GAB2: variants seen among roughly 807,000 people sequenced by gnomAD.
The protein encoded by GAB2 is GRB2-associated-binding protein 2.
Under a neutral mutation model 65.5 loss-of-function variants are expected in GAB2, and 26 were observed. The ratio of observed to expected loss-of-function variants is 0.40; its 90% CI spans 0.29 to 0.55. The LOEUF is 0.55. Ranked by LOEUF, GAB2 falls within the 20% of genes least tolerant of loss-of-function variation. GAB2 has a pLI of 0.53. For missense variants in GAB2, 884 were observed against 875.8 expected (o/e 1.01, Z -0.12); for synonymous variants, 321 against 329.6 (o/e 0.97, Z 0.28).
chr11:78,352,969 G>T (rs750604376), intron 1 of GAB2, among the ~76,000 whole-genome samples: 1 of 152,136 alleles, frequency 6.6e-6, no homozygotes, highest in Non-Finnish European at 1.5e-5. Context: ...TATTATATGG[G>T]TACATAGAGT....
chr11:78,290,393 A>C (rs1866628696), intron 1 of GAB2, among the ~76,000 whole-genome samples: 1 of 152,222 alleles, frequency 6.6e-6, no homozygotes, highest in South Asian at 2.1e-4. Context: ...CACAACCATC[A>C]AGACCACAAA....
intron 2 of GAB2, among the ~76,000 whole-genome samples, chr11:78,278,215 G>A (rs1038103346): frequency 7.3e-5 from 11 of 151,610 alleles, no homozygotes; most frequent in Admixed American, 1.3e-4. Context: ...GATTACAGGC[G>A]CCCACCACCA....
At chr11:78,363,782 T>TA (rs1179961125) in intron 1 of GAB2, among the ~76,000 whole-genome samples, 10 of 152,082 alleles carry the variant, frequency 6.6e-5, no homozygotes, top group African/African-American at 2.4e-4. Context: ...GATGGGGTTT[T>TA]GCCACGTTGC....
intron 3 of GAB2, among the ~76,000 whole-genome samples, chr11:78,230,025 A>G (rs1294221764): frequency 2.0e-5 from 3 of 152,168 alleles, no homozygotes. Context: ...ATTACTACTT[A>G]TCTCTGCCAA....
At chr11:78,316,380 G>T (rs532511488) in intron 1 of GAB2, among the ~76,000 whole-genome samples, 6 of 151,978 alleles carry the variant, frequency 3.9e-5, no homozygotes, top group African/African-American at 1.5e-4. Context: ...CTGTCCCTCT[G>T]GAGAACACTG....
At chr11:78,378,761 G>A (rs894640736) in intron 1 of GAB2, among the ~76,000 whole-genome samples, 5 of 152,108 alleles carry the variant, frequency 3.3e-5, no homozygotes, top group Non-Finnish European at 7.3e-5. Context: ...AAGTAGTTGG[G>A]ATTATAACCA....
intron 1 of GAB2, among the ~76,000 whole-genome samples, chr11:78,377,067 C>T (rs989232230): frequency 3.3e-5 from 5 of 152,230 alleles, no homozygotes; most frequent in African/African-American, 7.2e-5. Context: ...TGACTGAAAG[C>T]TCCCTGAGGC....
At chr11:78,315,046 C>T (rs930301525) in intron 1 of GAB2, among the ~76,000 whole-genome samples, 1 of 152,130 alleles carries the variant, frequency 6.6e-6, no homozygotes, top group African/African-American at 2.4e-5. Flanking sequence ...TGGACACAGA[C>T]TGTAGAAAAG....
intron 1 of GAB2, among the ~76,000 whole-genome samples, chr11:78,381,750 C>A (rs990300019): frequency 4.6e-5 from 7 of 151,954 alleles, no homozygotes; most frequent in African/African-American, 2.4e-5. Context: ...CATTTCAGAG[C>A]CTCCAATGTA....
At chr11:78,381,294 T>C (rs191413224) in intron 1 of GAB2, among the ~76,000 whole-genome samples, 1 of 152,208 alleles carries the variant, frequency 6.6e-6, no homozygotes, top group Non-Finnish European at 1.5e-5. Flanking sequence ...GAAATGGGAA[T>C]CTAACTTTAG....
Position 78,403,126 on chromosome 11 carries a change from G to A in GAB2, c.75+14520C>T, listed in dbSNP as rs1856996017. On this transcript the variant is annotated intron_variant, in intron 1 of 9. Coordinates refer to ENST00000361507, the MANE Select transcript of GAB2 (RefSeq NM_080491.3). ...TTGCCAGCCTCCAGAGCTTTTAGAA[G>A]TAAATGTCTGTTGCTTATAAACCAC... Among the ~76,000 whole-genome samples, 2 of 152,204 alleles carry A rather than the reference G, an allele frequency of 1.3e-5. 1 individual carries two copies. Among genetic ancestry groups the A allele is most frequent in the Non-Finnish European group, 2.9e-5 (2 of 68,036 alleles).
rs142116867 is a variant in GAB2 at position 78,222,087 on chromosome 11, C to T, written c.1658+18G>A. ...ATGGCCCGACTCCAAGCTCCCACCCCCACACATACGCACTTACTTGGCCCT... is the reference window on the plus strand; with the variant it reads ...ATGGCCCGACTCCAAGCTCCCACCCTCACACATACGCACTTACTTGGCCCT... On this transcript the variant is annotated intron_variant, in intron 7 of 9. Transcript: ENST00000361507. 63 of 1,546,922 alleles carry T rather than the reference C, an allele frequency of 4.1e-5. No individual in the cohort carries two copies. The African/African-American group carries it at 7.6e-4, about 19-fold the overall frequency.
In GAB2 at chr11:78,330,341, T is replaced by A. The variant is rs371144378; in HGVS notation, c.76-49440A>T. On this transcript the variant is annotated intron_variant, in intron 1 of 9. Transcript: ENST00000361507. The stretch of plus-strand genomic sequence containing the variant: ...TCCCTGGGTATAAAAATAAAGAAGT[T>A]TGAGTGACAAACAGCAGGTCTCTGG... Among the ~76,000 whole-genome samples the A allele has an allele frequency of 5.3e-5, 8 of 152,278 alleles. No individual in the cohort carries two copies. The South Asian group carries it at 8.3e-4, about 16-fold the overall frequency.
At chr11:78,271,913 C>CT (rs1207288479) in intron 2 of GAB2, among the ~76,000 whole-genome samples, 1 of 152,158 alleles carries the variant, frequency 6.6e-6, no homozygotes, top group African/African-American at 2.4e-5. Flanking sequence ...CTTTCCTGTG[C>CT]TTTTCTTGTG....
At chr11:78,291,347 T>C (rs1866665320) in intron 1 of GAB2, among the ~76,000 whole-genome samples, 1 of 146,878 alleles carries the variant, frequency 6.8e-6, no homozygotes, top group Non-Finnish European at 1.5e-5. Context: ...GCACCTGTAG[T>C]CCCAGCTACT....
chr11:78,277,270 T>C (rs886162611), intron 2 of GAB2, among the ~76,000 whole-genome samples: 1 of 152,342 alleles, frequency 6.6e-6, no homozygotes, highest in Admixed American at 6.5e-5. Context: ...ATCATACCTA[T>C]TTCTTAAAAA....
intron 3 of GAB2, among the ~76,000 whole-genome samples, chr11:78,230,770 C>G (rs545442032): frequency 6.6e-6 from 1 of 152,384 alleles, no homozygotes; most frequent in Non-Finnish European, 1.5e-5. Context: ...TTTGTTCTAG[C>G]AGCCAGGTCT....
chr11:78,246,468 T>A (rs1219151378), intron 3 of GAB2, among the ~76,000 whole-genome samples: 2 of 149,662 alleles, frequency 1.3e-5, no homozygotes, highest in Non-Finnish European at 3.0e-5. Context: ...AGATGCTGGG[T>A]TCTGTTATAA....
intron 8 of GAB2, 138 bp downstream of exon 8, chr11:78,221,539 G>A (rs1473308724): frequency 2.3e-5 from 11 of 487,178 alleles, no homozygotes; most frequent in Non-Finnish European, 3.4e-5. Context: ...AGAAGGGTTT[G>A]TAGCAGGAGA....
Sources: allele counts gnomAD v4.1 joint callset (sites outside exome capture counted in the v4.1 genomes callset), GRCh38; gene constraint gnomAD v4.1.1; transcripts MANE v1.5; gene names NCBI Gene and HGNC (gene_info 2026-07-23, HGNC 2026-07-21).